Variants in KIZ observed in about 807,000 individuals in gnomAD.
KIZ encodes the protein kizuna centrosomal protein.
In KIZ, 68 loss-of-function variants were observed where a neutral mutation model predicts 79.6. The ratio of observed to expected loss-of-function variants is 0.85; its 90% CI spans 0.70 to 1.05. The LOEUF is 1.05. Ranked by LOEUF, KIZ falls within the 50% of genes least tolerant of loss-of-function variation. KIZ has a pLI of 0.00. For synonymous variants in KIZ, 280 were observed against 281.8 expected (o/e 0.99, Z 0.06); for missense variants, 797 against 800.4 (o/e 1.00, Z 0.05).
At chr20:21,232,050 C>T (rs2036851831) in intron 10 of KIZ, among the ~76,000 whole-genome samples, 2 of 152,208 alleles carry the variant, frequency 1.3e-5, no homozygotes, top group Admixed American at 6.5e-5. Flanking sequence ...GATGCCCATG[C>T]ATGCTGTATC....
chr20:21,193,253 G>C (rs2035192611), intron 6 of KIZ, among the ~76,000 whole-genome samples: 1 of 152,144 alleles, frequency 6.6e-6, no homozygotes, highest in Non-Finnish European at 1.5e-5. Context: ...CAAGCCTATT[G>C]TGCCGCAACT....
intron 1 of KIZ, 33 bp downstream of exon 1, chr20:21,126,237 C>A (rs1485337527): frequency 5.3e-6 from 7 of 1,332,966 alleles, no homozygotes; most frequent in Non-Finnish European, 5.9e-6. Context: ...GGGGAGTCGG[C>A]CCGCGCCGGG....
chr20:21,150,817 C>G (rs1389311793), intron 4 of KIZ: 2 of 152,294 alleles, frequency 1.3e-5, no homozygotes, highest in East Asian at 1.9e-4. Flanking sequence ...CAGCACCCTG[C>G]ACCTGGTGAG....
chr20:21,230,022 TCA>T (rs1412369029), intron 10 of KIZ, among the ~76,000 whole-genome samples: 1 of 152,240 alleles, frequency 6.6e-6, no homozygotes, highest in East Asian at 1.9e-4. Context: ...ATAAGTTACC[TCA>T]GTTTCCTTTG....
At chr20:21,203,274 A>G (rs1168262979) in intron 6 of KIZ, among the ~76,000 whole-genome samples, 1 of 152,130 alleles carries the variant, frequency 6.6e-6, no homozygotes, top group Non-Finnish European at 1.5e-5. Flanking sequence ...GAGAATTTAC[A>G]TGCTCTATTT....
intron 6 of KIZ, among the ~76,000 whole-genome samples, chr20:21,203,059 G>A (rs2035662834): frequency 6.6e-6 from 1 of 152,056 alleles, no homozygotes; most frequent in Admixed American, 6.5e-5. Flanking sequence ...AAATTCTTCA[G>A]TTTATCTAAT....
intron 6 of KIZ, among the ~76,000 whole-genome samples, chr20:21,203,321 T>A (rs2035670737): frequency 6.6e-6 from 1 of 152,220 alleles, no homozygotes; most frequent in Admixed American, 6.5e-5. Flanking sequence ...TTACTCTTTA[T>A]TACCTGTAAA....
intron 10 of KIZ, among the ~76,000 whole-genome samples, chr20:21,232,180 A>G (rs1477594584): frequency 6.6e-6 from 1 of 152,214 alleles, no homozygotes; most frequent in Non-Finnish European, 1.5e-5. Context: ...GGAATATCCA[A>G]GTCTCTGGCT....
In KIZ at chr20:21,193,536, C is replaced by CT. The variant is rs199682491; in HGVS notation, c.1353-11954dup. 3.0e-4 allele frequency among the ~76,000 whole-genome samples: 46 copies of CT among 152,150 alleles called. No homozygotes were observed. In the East Asian group the frequency reaches 8.3e-3, roughly 28 times the overall value. ...ACCCAAAGGATTGTAAGTCATGCTG[C>CT]TATAAAGACACATGGACACCTATGT... On this transcript the variant is annotated intron_variant, in intron 6 of 12. Transcript: ENST00000619189.
intron 11 of KIZ, among the ~76,000 whole-genome samples, chr20:21,242,098 G>T (rs968672721): frequency 1.3e-5 from 2 of 152,202 alleles, no homozygotes; most frequent in Non-Finnish European, 2.9e-5. Context: ...CCTTACCCAG[G>T]TGAGCTGAAA....
intron 6 of KIZ, among the ~76,000 whole-genome samples, chr20:21,176,754 CAG>C (rs1284278385): frequency 6.6e-6 from 1 of 151,904 alleles, no homozygotes; most frequent in Non-Finnish European, 1.5e-5. Context: ...GTAATGTAAA[CAG>C]AAAGATGGAA....
At chr20:21,151,487 GAAAA>G (rs1027199614) in intron 4 of KIZ, 1 of 151,746 alleles carries the variant, frequency 6.6e-6, no homozygotes, top group Non-Finnish European at 1.5e-5. Flanking sequence ...AGGGGGAAGA[GAAAA>G]AAAGTGGATG....
chr20:21,236,313 A>AT (rs2123471548), intron 11 of KIZ, among the ~76,000 whole-genome samples: 1 of 152,186 alleles, frequency 6.6e-6, no homozygotes, highest in East Asian at 1.9e-4. Flanking sequence ...AGTCATTGGG[A>AT]TTTTTTTCTT....
At chr20:21,200,456 A>G (rs373822594) in intron 6 of KIZ, among the ~76,000 whole-genome samples, 28 of 152,056 alleles carry the variant, frequency 1.8e-4, no homozygotes, top group African/African-American at 6.0e-4. Flanking sequence ...ACAATTCACC[A>G]TAATGGAAAA....
At chr20:21,179,104 C>A (rs1466540917) in intron 6 of KIZ, among the ~76,000 whole-genome samples, 1 of 151,614 alleles carries the variant, frequency 6.6e-6, no homozygotes, top group Non-Finnish European at 1.5e-5. Context: ...TGGAAGTATT[C>A]CCTTTTTTTC....
intron 6 of KIZ, among the ~76,000 whole-genome samples, chr20:21,180,029 C>T (rs2034587218): frequency 1.3e-5 from 2 of 152,088 alleles, no homozygotes; most frequent in Non-Finnish European, 2.9e-5. Flanking sequence ...AATGCTATTG[C>T]GTTTGGGTGG....
chr20:21,242,087 G>T (rs191583021), intron 11 of KIZ, among the ~76,000 whole-genome samples: 5 of 152,174 alleles, frequency 3.3e-5, no homozygotes, highest in African/African-American at 4.8e-5. Context: ...GCTGTGCACC[G>T]CCTTACCCAG....
At chr20:21,205,186 C>G (rs1313388124) in intron 6 of KIZ, among the ~76,000 whole-genome samples, 1 of 152,180 alleles carries the variant, frequency 6.6e-6, no homozygotes, top group East Asian at 1.9e-4. Flanking sequence ...ACTGGCCAAG[C>G]CATACCCCAG....
intron 9 of KIZ, among the ~76,000 whole-genome samples, chr20:21,227,143 A>G (rs1014155390): frequency 2.4e-4 from 37 of 152,216 alleles, no homozygotes; most frequent in African/African-American, 8.9e-4. Flanking sequence ...CAGTAATACT[A>G]TCAGCCCTTC....
Sources: gnomAD v4.1 joint callset for allele counts (sites outside exome capture counted in the v4.1 genomes callset) on GRCh38, gnomAD v4.1.1 for gene constraint, MANE v1.5 for transcripts, NCBI Gene and HGNC (gene_info 2026-07-23, HGNC 2026-07-21) for gene names.